DLG2: variants seen among roughly 807,000 people sequenced by gnomAD.
DLG2 encodes the protein disks large homolog 2.
DLG2 carries 45 observed loss-of-function variants against 132.5 expected under a neutral mutation model. The observed-to-expected ratio is 0.34, with a 90% CI of 0.27 to 0.44. The LOEUF (loss-of-function observed/expected upper bound fraction) is 0.44, where lower values mean the gene tolerates loss of function less well. Among genes scored for constraint, DLG2 ranks in the 20% least tolerant of loss-of-function variants. DLG2 has a pLI of 1.00. For missense variants in DLG2, 1,045 were observed against 1,196.9 expected, an observed-to-expected ratio of 0.87 and a Z score of 1.87; for synonymous variants, 424 against 419.6, an observed-to-expected ratio of 1.01 and a Z score of -0.13.
At chr11:85,462,255 G>A (rs1000516014) in intron 3 of DLG2, among the ~76,000 whole-genome samples, 2 of 152,180 alleles carry the variant, frequency 1.3e-5, no homozygotes, top group African/African-American at 4.8e-5. Flanking sequence ...ATTCCTCAGG[G>A]ATCTAGAACT....
chr11:84,956,289 C>A (rs1429501489), intron 6 of DLG2, among the ~76,000 whole-genome samples: 1 of 152,018 alleles, frequency 6.6e-6, no homozygotes, highest in Non-Finnish European at 1.5e-5. Context: ...AGAAGCAATA[C>A]CAAATTAAAA....
At chr11:83,671,904 T>C (rs906399559) in intron 18 of DLG2, among the ~76,000 whole-genome samples, 52 of 152,214 alleles carry the variant, frequency 3.4e-4, no homozygotes, top group African/African-American at 1.2e-3. Context: ...TTATGTTTTG[T>C]TTGAATTGAA....
At chr11:85,425,610 T>G (rs961495975) in intron 3 of DLG2, among the ~76,000 whole-genome samples, 4 of 152,138 alleles carry the variant, frequency 2.6e-5, no homozygotes, top group African/African-American at 9.7e-5. Context: ...TCCTACTTTC[T>G]TAAACGTACA....
rs184152338 is a variant in DLG2, at chr11:83,828,333, C to T, written c.1722+5281G>A. Among the ~76,000 whole-genome samples, 164 of 152,270 alleles carry T rather than the reference C, an allele frequency of 1.1e-3. 1 individual carries two copies. The highest frequency in any genetic ancestry group is 3.8e-3 in the African/African-American group (158 of 41,552). On this transcript the variant is annotated intron_variant, in intron 17 of 27. Coordinates refer to ENST00000376104, the MANE Select transcript of DLG2 (RefSeq NM_001142699.3). ...ACTTGAACCCAGAAGGCAGAGGTTG[C>T]AGTGAGCCGAGATCACGCCACTGTG...
At chr11:83,772,743 A>T (rs1240994529) in intron 18 of DLG2, among the ~76,000 whole-genome samples, 1 of 152,202 alleles carries the variant, frequency 6.6e-6, no homozygotes, top group African/African-American at 2.4e-5. Flanking sequence ...TTAACTCCCC[A>T]GGCCATTACA....
At chr11:83,676,424 G>A (rs1441155925) in intron 18 of DLG2, among the ~76,000 whole-genome samples, 2 of 152,166 alleles carry the variant, frequency 1.3e-5, no homozygotes, top group Non-Finnish European at 2.9e-5. Context: ...TCACCACTAT[G>A]AGTATATATT....
intron 3 of DLG2, among the ~76,000 whole-genome samples, chr11:85,365,788 G>A (rs2084502807): frequency 6.6e-6 from 1 of 152,154 alleles, no homozygotes; most frequent in Non-Finnish European, 1.5e-5. Flanking sequence ...TTGTAGGAAT[G>A]TGGATGAAGC....
chr11:84,396,536 T>A (rs2098811684), intron 7 of DLG2, among the ~76,000 whole-genome samples: 1 of 152,218 alleles, frequency 6.6e-6, no homozygotes, highest in South Asian at 2.1e-4. Flanking sequence ...TCATTCAAGC[T>A]CAAGCCTCAA....
intron 7 of DLG2, among the ~76,000 whole-genome samples, chr11:84,267,801 C>T (rs1277501210): frequency 6.6e-6 from 1 of 152,182 alleles, no homozygotes; most frequent in Non-Finnish European, 1.5e-5. Flanking sequence ...TTCTCTGCTT[C>T]TCCATGGATA....
intron 3 of DLG2, among the ~76,000 whole-genome samples, chr11:85,497,350 G>GA (rs950735161): frequency 8.0e-5 from 12 of 150,924 alleles, no homozygotes; most frequent in Non-Finnish European, 1.6e-4. Flanking sequence ...TGAACTCATT[G>GA]AAAAAAACAA....
intron 3 of DLG2, among the ~76,000 whole-genome samples, chr11:85,508,215 G>A (rs1242072232): frequency 3.3e-5 from 5 of 151,856 alleles, no homozygotes; most frequent in Non-Finnish European, 7.4e-5. Flanking sequence ...ATGTCAACTC[G>A]TCAAAGTCAC....
At chr11:85,037,692 A>T (rs932386919) in intron 6 of DLG2, among the ~76,000 whole-genome samples, 1 of 152,124 alleles carries the variant, frequency 6.6e-6, no homozygotes, top group African/African-American at 2.4e-5. Flanking sequence ...AAGTTCATCT[A>T]TTCCTTACAA....
intron 3 of DLG2, among the ~76,000 whole-genome samples, chr11:85,529,051 T>C (rs1467738001): frequency 2.6e-5 from 4 of 152,202 alleles, no homozygotes; most frequent in Non-Finnish European, 5.9e-5. Context: ...CTCACAAGCA[T>C]AATGTCAAGA....
chr11:84,377,418 A>AT (rs769641574), intron 7 of DLG2, among the ~76,000 whole-genome samples: 1 of 152,180 alleles, frequency 6.6e-6, no homozygotes, highest in East Asian at 1.9e-4. Flanking sequence ...ATAAAATGAC[A>AT]TTTTTGAAAT....
chr11:84,129,408 T>A (rs553154693), intron 9 of DLG2, among the ~76,000 whole-genome samples: 2 of 152,090 alleles, frequency 1.3e-5, no homozygotes, highest in Admixed American at 6.6e-5. Flanking sequence ...AGTCTCATTA[T>A]CTATATAAAC....
At chr11:84,280,297 A>G (rs565701552) in intron 7 of DLG2, among the ~76,000 whole-genome samples, 2 of 123,964 alleles carry the variant, frequency 1.6e-5, no homozygotes, top group African/African-American at 5.9e-5. Context: ...CAACTTAGGG[A>G]TAAACCTGAT....
chr11:83,944,841 G>A (rs1009656466), intron 14 of DLG2, among the ~76,000 whole-genome samples: 9 of 152,164 alleles, frequency 5.9e-5, no homozygotes, highest in Admixed American at 3.9e-4. Context: ...GAATAACTCC[G>A]TGCAGCAGGG....
intron 7 of DLG2, among the ~76,000 whole-genome samples, chr11:84,318,067 A>G (rs898076274): frequency 2.6e-5 from 4 of 152,194 alleles, no homozygotes; most frequent in Non-Finnish European, 5.9e-5. Flanking sequence ...AAATACATTC[A>G]CCACAAATAG....
intron 5 of DLG2, among the ~76,000 whole-genome samples, chr11:85,120,108 A>AT (rs1262674690): frequency 6.6e-6 from 1 of 152,110 alleles, no homozygotes; most frequent in East Asian, 1.9e-4. Context: ...GCTTTCTCTT[A>AT]TCGGAGGATT....
Sources: allele counts gnomAD v4.1 joint callset (sites outside exome capture counted in the v4.1 genomes callset), GRCh38; gene constraint gnomAD v4.1.1; transcripts MANE v1.5; gene names NCBI Gene and HGNC (gene_info 2026-07-23, HGNC 2026-07-21).